CDC14A: variants seen among roughly 807,000 people sequenced by gnomAD.
CDC14A encodes cell division cycle 14A.
Under a neutral mutation model 74.4 loss-of-function variants are expected in CDC14A, and 53 were observed. The ratio of observed to expected loss-of-function variants is 0.71; its 90% confidence interval spans 0.57 to 0.89. The LOEUF (loss-of-function observed/expected upper bound fraction) is 0.89, where lower values mean the gene tolerates loss of function less well. Among genes scored for constraint, CDC14A ranks in the 40% least tolerant of loss-of-function variants. CDC14A has a pLI of 0.00. For missense variants in CDC14A, 646 were observed against 713.7 expected (o/e 0.91, Z 1.08); for synonymous variants, 247 against 258.4 (o/e 0.96, Z 0.43).
At chr1:100,462,956 C>A in intron 9 of CDC14A, 75 bp downstream of exon 9, 2 of 1,081,922 alleles carry the variant, frequency 1.8e-6, no homozygotes, top group Non-Finnish European at 2.8e-6. Context: ...TAACATAAAA[C>A]AAAACCTGTT....
chr1:100,397,789 G>T (rs966704837), intron 4 of CDC14A, among the ~76,000 whole-genome samples: 5 of 152,102 alleles, frequency 3.3e-5, no homozygotes, highest in Admixed American at 2.6e-4. Context: ...TAAATTAGAG[G>T]TCTACATTGT....
intron 4 of CDC14A, among the ~76,000 whole-genome samples, chr1:100,416,527 A>G (rs937201555): frequency 6.6e-6 from 1 of 152,192 alleles, no homozygotes; most frequent in African/African-American, 2.4e-5. Flanking sequence ...TCTGTACTCT[A>G]TAATCAGAGG....
At chr1:100,456,087 G>A (rs141300104) in intron 8 of CDC14A, among the ~76,000 whole-genome samples, 1 of 152,326 alleles carries the variant, frequency 6.6e-6, no homozygotes, top group East Asian at 1.9e-4. Flanking sequence ...CCAAACCAGA[G>A]GAGGGCTCCT....
intron 2 of CDC14A, among the ~76,000 whole-genome samples, chr1:100,354,216 C>T (rs1447669510): frequency 6.6e-6 from 1 of 152,148 alleles, no homozygotes; most frequent in Admixed American, 6.6e-5. Context: ...CCATAGGGTA[C>T]AGGGCAGTGC....
chr1:100,424,131 T>A (rs1206510941), intron 4 of CDC14A, 91 bp from the exon 5 acceptor site: 1 of 896,480 alleles, frequency 1.1e-6, no homozygotes, highest in Non-Finnish European at 1.9e-6. Flanking sequence ...CAGCTGTCAC[T>A]CAAAGTGGAG....
chr1:100,503,906 G>C (rs772225245), intron 15 of CDC14A, among the ~76,000 whole-genome samples: 5 of 152,174 alleles, frequency 3.3e-5, no homozygotes, highest in Non-Finnish European at 7.3e-5. Flanking sequence ...TGGATTACTA[G>C]TCATCTACAT....
chr1:100,443,753 T>C (rs1176147029), intron 7 of CDC14A, among the ~76,000 whole-genome samples: 2 of 152,226 alleles, frequency 1.3e-5, no homozygotes, highest in African/African-American at 2.4e-5. Context: ...TTTTGATTAA[T>C]GTCTTGACTG....
chr1:100,401,474 A>G (rs1659249988), intron 4 of CDC14A, among the ~76,000 whole-genome samples: 1 of 152,210 alleles, frequency 6.6e-6, no homozygotes, highest in Non-Finnish European at 1.5e-5. Context: ...TAACAGCAAG[A>G]ATCAGTGTTG....
chr1:100,471,085 A>G (rs1369235986), intron 10 of CDC14A, among the ~76,000 whole-genome samples: 2 of 152,200 alleles, frequency 1.3e-5, no homozygotes, highest in Non-Finnish European at 2.9e-5. Flanking sequence ...ATGAAATACT[A>G]GCCAGCAATA....
chr1:100,448,815 G>A (rs1298748893), intron 7 of CDC14A, among the ~76,000 whole-genome samples: 1 of 152,096 alleles, frequency 6.6e-6, no homozygotes, highest in East Asian at 1.9e-4. Flanking sequence ...TATTTGCTAG[G>A]CCCAATGTTT....
At chr1:100,517,065 T>C (rs547232503) in intron 15 of CDC14A, among the ~76,000 whole-genome samples, 10 of 152,258 alleles carry the variant, frequency 6.6e-5, no homozygotes, top group Non-Finnish European at 1.3e-4. Context: ...ACATCTGTTA[T>C]GACATTGTGG....
intron 1 of CDC14A, 76 bp downstream of exon 1, chr1:100,353,079 C>G: frequency 6.6e-7 from 1 of 1,507,484 alleles, no homozygotes; most frequent in Non-Finnish European, 9.2e-7. Context: ...CTGTCCCCAC[C>G]TTCTCCTGAG....
chr1:100,450,962 T>C (rs1021939533), intron 7 of CDC14A, among the ~76,000 whole-genome samples: 1 of 152,196 alleles, frequency 6.6e-6, no homozygotes, highest in Non-Finnish European at 1.5e-5. Flanking sequence ...CGCTCTCTAA[T>C]TCGCATTCCT....
chr1:100,444,981 G>A (rs1665377405), intron 7 of CDC14A, among the ~76,000 whole-genome samples: 1 of 151,960 alleles, frequency 6.6e-6, no homozygotes, highest in African/African-American at 2.4e-5. Flanking sequence ...TAGTGACAAA[G>A]TAAGATTCCC....
At chr1:100,360,083 C>T (rs1652502366) in intron 2 of CDC14A, among the ~76,000 whole-genome samples, 1 of 148,928 alleles carries the variant, frequency 6.7e-6, no homozygotes, top group African/African-American at 2.5e-5. Context: ...GCTGGGATTA[C>T]AGGCGCGCAC....
Position 100,353,783 on chromosome 1 carries a change from T to C in CDC14A, c.71T>C (p.Leu24Ser), listed in dbSNP as rs1335238853. Residue 24 changes from leucine (L) to serine (S), a missense_variant, in exon 2 of 16, where the codon TTA (leucine) becomes TCA (serine). Leu to Ser is a moderately radical substitution (Grantham distance 145). Transcript: ENST00000336454. ...TCAGATCGGTTATATTTTGCTACTT[T>C]AAGGAATAGACCAAAAAGCACAGTA... ...FMKDRLYFAT[L>S]RNRPKSTVNT... 1 of 1,602,718 alleles carries C rather than the reference T, an allele frequency of 6.2e-7. No individual in the cohort carries two copies. Among genetic ancestry groups the C allele is most frequent in the Non-Finnish European group, 8.5e-7 (1 of 1,171,190 alleles).
At chr1:100,484,489 GATGTTCTGC>G (rs774946698) in intron 11 of CDC14A, 38 bp downstream of exon 11, 1 of 1,559,264 alleles carries the variant, frequency 6.4e-7, no homozygotes, top group East Asian at 2.3e-5. Flanking sequence ...TCTTAAAACT[GATGTTCTGC>G]ATTTGTTTCT....
At chr1:100,350,788 A>T (rs1034331262), upstream of CDC14A, among the ~76,000 whole-genome samples, 5 of 152,254 alleles carry the variant, frequency 3.3e-5, no homozygotes, top group South Asian at 2.1e-4. Context: ...AAATACAACA[A>T]CATCTTTGGA....
chr1:100,498,814 A>C, intron 14 of CDC14A, 115 bp from the exon 15 acceptor site: 1 of 1,356,576 alleles, frequency 7.4e-7, no homozygotes, highest in Non-Finnish European at 9.8e-7. Context: ...CATTGATCAG[A>C]TTCATCTTCA....
Sources: gnomAD v4.1 joint callset for allele counts (sites outside exome capture counted in the v4.1 genomes callset) on GRCh38, gnomAD v4.1.1 for gene constraint, MANE v1.5 for transcripts, NCBI Gene and HGNC (gene_info 2026-07-23, HGNC 2026-07-21) for gene names.